Variants in KIAA1328 observed in about 807,000 individuals in gnomAD.
KIAA1328 encodes the protein protein hinderin.
KIAA1328 carries 52 observed loss-of-function variants against 68.1 expected under a neutral mutation model. The ratio of observed to expected loss-of-function variants is 0.76; its 90% CI spans 0.61 to 0.96. The LOEUF (loss-of-function observed/expected upper bound fraction) is 0.96, where lower values mean the gene tolerates loss of function less well. Among genes scored for constraint, KIAA1328 ranks in the 40% least tolerant of loss-of-function variants. The pLI is 0.00. For synonymous variants in KIAA1328, 232 were observed against 239.4 expected, an observed-to-expected ratio of 0.97 and a Z score of 0.28; for missense variants, 641 against 677.6, an observed-to-expected ratio of 0.95 and a Z score of 0.60.
chr18:36,967,128 A>T (rs886436190), intron 6 of KIAA1328, among the ~76,000 whole-genome samples: 1 of 152,196 alleles, frequency 6.6e-6, no homozygotes, highest in Non-Finnish European at 1.5e-5. Context: ...ATTTAAAAAG[A>T]TTATCTTGGT....
At chr18:37,116,262 A>T (rs557244673) in intron 7 of KIAA1328, among the ~76,000 whole-genome samples, 1 of 152,216 alleles carries the variant, frequency 6.6e-6, no homozygotes, top group Non-Finnish European at 1.5e-5. Context: ...TTCAAACTAT[A>T]CTACAAGGCT....
intron 6 of KIAA1328, among the ~76,000 whole-genome samples, chr18:36,992,447 CTTTCTTTTTTTTT>C (rs2053218553): frequency 3.0e-5 from 2 of 66,752 alleles, no homozygotes; most frequent in Admixed American, 1.9e-4. Context: ...CTTTTCTTTT[CTTTCTTTTTTTTT>C]TTTTTTTTTT....
intron 6 of KIAA1328, among the ~76,000 whole-genome samples, chr18:37,048,991 T>A (rs188017798): frequency 2.7e-4 from 41 of 152,258 alleles, no homozygotes; most frequent in Admixed American, 1.5e-3. Context: ...ATTTTCTTTA[T>A]CCCCAAGTTC....
chr18:37,128,447 T>G (rs190517022), intron 7 of KIAA1328, among the ~76,000 whole-genome samples: 15 of 152,300 alleles, frequency 9.8e-5, no homozygotes, highest in African/African-American at 3.6e-4. Flanking sequence ...CACTCCAGCC[T>G]CGGTGACAGA....
At chr18:36,905,126 T>G (rs866469324) in intron 5 of KIAA1328, among the ~76,000 whole-genome samples, 6 of 126,880 alleles carry the variant, frequency 4.7e-5, no homozygotes, top group African/African-American at 1.7e-4. Context: ...TTTATTTATT[T>G]ATTGAGACGG....
intron 5 of KIAA1328, among the ~76,000 whole-genome samples, chr18:36,955,662 T>G (rs1200609130): frequency 6.6e-6 from 1 of 152,182 alleles, no homozygotes; most frequent in African/African-American, 2.4e-5. Context: ...AACACTTTCT[T>G]GCATTTTACA....
intron 4 of KIAA1328, among the ~76,000 whole-genome samples, chr18:36,880,646 G>A (rs2048299008): frequency 6.6e-6 from 1 of 152,034 alleles, no homozygotes; most frequent in Non-Finnish European, 1.5e-5. Context: ...CCTTATTCCT[G>A]AAGTGCAAAG....
chr18:37,165,367 T>G (rs2059365439), intron 8 of KIAA1328, among the ~76,000 whole-genome samples: 1 of 152,054 alleles, frequency 6.6e-6, no homozygotes, highest in Non-Finnish European at 1.5e-5. Flanking sequence ...TCTTTCACCG[T>G]TAAGTATGAT....
At chr18:37,062,885 A>G (rs1007973445) in intron 6 of KIAA1328, among the ~76,000 whole-genome samples, 1 of 152,184 alleles carries the variant, frequency 6.6e-6, no homozygotes, top group Admixed American at 6.5e-5. Context: ...AGTGCCGTGT[A>G]ACAGATTACC....
At chr18:37,154,134 A>G (rs953476454) in intron 7 of KIAA1328, among the ~76,000 whole-genome samples, 9 of 152,198 alleles carry the variant, frequency 5.9e-5, no homozygotes, top group East Asian at 1.9e-4. Flanking sequence ...TCCTATCTGA[A>G]CATTAGAATC....
intron 7 of KIAA1328, among the ~76,000 whole-genome samples, chr18:37,138,320 C>CT (rs1271677513): frequency 6.6e-6 from 1 of 152,146 alleles, no homozygotes; most frequent in Non-Finnish European, 1.5e-5. Flanking sequence ...TTAGAAATAG[C>CT]TATAGAATAG....
At chr18:37,162,384 T>C (rs528961334) in intron 8 of KIAA1328, among the ~76,000 whole-genome samples, 29 of 152,312 alleles carry the variant, frequency 1.9e-4, no homozygotes, top group African/African-American at 7.0e-4. Context: ...GACCGCCTTG[T>C]ATTTTCCTTT....
intron 7 of KIAA1328, among the ~76,000 whole-genome samples, chr18:37,117,887 A>T (rs8082891): frequency 0.67 from 99,229 of 147,446 alleles, 33,176 homozygotes; most frequent in East Asian, 0.84. Flanking sequence ...AAAAAAAAAA[A>T]ATATATATAT....
chr18:37,076,255 G>T (rs2056731252), intron 7 of KIAA1328, among the ~76,000 whole-genome samples: 1 of 152,034 alleles, frequency 6.6e-6, no homozygotes, highest in Non-Finnish European at 1.5e-5. Flanking sequence ...ACGAAATGAA[G>T]GCAGAAATAA....
chr18:37,142,817 A>T (rs1244427073), intron 7 of KIAA1328, among the ~76,000 whole-genome samples: 2 of 152,020 alleles, frequency 1.3e-5, no homozygotes, highest in Non-Finnish European at 2.9e-5. Context: ...TACATTTTAG[A>T]TCTAGTTTAT....
chr18:37,080,417 C>G lies in KIAA1328; in HGVS notation c.1232+12872C>G, dbSNP rs375036844. 1.9e-4 allele frequency among the ~76,000 whole-genome samples: 29 copies of G among 152,242 alleles called. No homozygotes were observed. The East Asian group carries it at 4.6e-3, about 24-fold the overall frequency. On this transcript the variant is annotated intron_variant, in intron 7 of 9. Coordinates refer to ENST00000280020, the MANE Select transcript of KIAA1328 (RefSeq NM_020776.3). ...GTCATTTTCAGTCTTCTTGGTTAGC[C>G]TTTGTGAAGGAAATATATCCAAACC...
At chr18:36,975,176 ATTTT>A in intron 6 of KIAA1328, among the ~76,000 whole-genome samples, 1 of 114,930 alleles carries the variant, frequency 8.7e-6, no homozygotes. Context: ...ACAAGCTACA[ATTTT>A]TTTTTTTTTT....
chr18:36,948,919 A>G (rs1381584098), intron 5 of KIAA1328, among the ~76,000 whole-genome samples: 4 of 152,194 alleles, frequency 2.6e-5, no homozygotes, highest in African/African-American at 9.7e-5. Context: ...ATGTTTCACT[A>G]TGCTTCACAA....
intron 6 of KIAA1328, among the ~76,000 whole-genome samples, chr18:37,017,654 T>A (rs2054197652): frequency 6.6e-6 from 1 of 152,172 alleles, no homozygotes; most frequent in African/African-American, 2.4e-5. Context: ...TCCAATGTTG[T>A]GTATATCTAT....
Sources: gnomAD v4.1 joint callset for allele counts (sites outside exome capture counted in the v4.1 genomes callset) on GRCh38, gnomAD v4.1.1 for gene constraint, MANE v1.5 for transcripts, NCBI Gene and HGNC (gene_info 2026-07-23, HGNC 2026-07-21) for gene names.